The following C2CD5 variants were observed in gnomAD, a reference collection of about 807,000 sequenced individuals.
C2CD5 encodes C2 calcium dependent domain containing 5.
In C2CD5, 109 loss-of-function variants were observed where a neutral mutation model predicts 130.3. The ratio of observed to expected loss-of-function variants is 0.84; its 90% CI spans 0.72 to 0.98. The LOEUF (loss-of-function observed/expected upper bound fraction) is 0.98, where lower values mean the gene tolerates loss of function less well. Ranked by LOEUF, C2CD5 falls within the 50% of genes least tolerant of loss-of-function variation. The pLI is 0.00. For missense variants in C2CD5, 996 were observed against 1,261.8 expected, an observed-to-expected ratio of 0.79 and a Z score of 3.19; for synonymous variants, 454 against 429.2, an observed-to-expected ratio of 1.06 and a Z score of -0.71.
At chr12:22,520,488 T>C (rs1359082423) in intron 7 of C2CD5, among the ~76,000 whole-genome samples, 2 of 152,162 alleles carry the variant, frequency 1.3e-5, no homozygotes, top group Non-Finnish European at 2.9e-5. Flanking sequence ...TCTACGTTTG[T>C]TGCTAATAGA....
intron 10 of C2CD5, among the ~76,000 whole-genome samples, chr12:22,497,943 A>C (rs1011219649): frequency 8.3e-6 from 1 of 120,252 alleles, no homozygotes; most frequent in South Asian, 2.8e-4. Flanking sequence ...CACACACACA[A>C]TGTAACTGGA....
At chr12:22,534,382 T>TGC (rs1951627760) in intron 3 of C2CD5, among the ~76,000 whole-genome samples, 1 of 152,162 alleles carries the variant, frequency 6.6e-6, no homozygotes, top group African/African-American at 2.4e-5. Context: ...ATATTGGACT[T>TGC]CATCAAAATT....
At chr12:22,456,395 C>G (rs1234292307) in intron 25 of C2CD5, among the ~76,000 whole-genome samples, 1 of 152,066 alleles carries the variant, frequency 6.6e-6, no homozygotes, top group African/African-American at 2.4e-5. Context: ...ATATAACAGG[C>G]TGACTCTGAT....
chr12:22,523,889 T>C (rs1379401608), intron 6 of C2CD5, among the ~76,000 whole-genome samples: 1 of 150,776 alleles, frequency 6.6e-6, no homozygotes, highest in East Asian at 1.9e-4. Context: ...GCTATATAAA[T>C]ATAACATTGA....
chr12:22,544,212 C>A lies in C2CD5; in HGVS notation c.-29-33G>T, dbSNP rs2137411737. ...AACAAACAAACGAGTCTGCGCCGAGCGCGGGGCCGGCGGGAGAGGGGCGGA... is the reference window on the plus strand; with the variant it reads ...AACAAACAAACGAGTCTGCGCCGAGAGCGGGGCCGGCGGGAGAGGGGCGGA... On this transcript the variant is annotated intron_variant, in intron 1 of 26. Transcript: ENST00000446597. 3.9e-6 allele frequency: 6 copies of A among 1,550,874 alleles called. No individual in the cohort carries two copies. In the South Asian group the frequency reaches 4.5e-5, roughly 12 times the overall value.
intron 2 of C2CD5, among the ~76,000 whole-genome samples, chr12:22,540,097 A>C: frequency 6.6e-6 from 1 of 152,170 alleles, no homozygotes. Flanking sequence ...CAAGAACTAC[A>C]ACCATCATGT....
chr12:22,455,635 CAT>C (rs1396506552), intron 25 of C2CD5, among the ~76,000 whole-genome samples: 1 of 152,156 alleles, frequency 6.6e-6, no homozygotes, highest in Non-Finnish European at 1.5e-5. Flanking sequence ...AGAATATCTT[CAT>C]AGTTTATTTT....
At chr12:22,487,766 G>A (rs1047198499) in intron 12 of C2CD5, among the ~76,000 whole-genome samples, 3 of 151,956 alleles carry the variant, frequency 2.0e-5, no homozygotes, top group South Asian at 2.1e-4. Context: ...TGTTTATTGC[G>A]GCACTATTCA....
chr12:22,536,588 GA>G (rs1302100186), intron 2 of C2CD5, among the ~76,000 whole-genome samples: 6 of 151,970 alleles, frequency 3.9e-5, no homozygotes, highest in African/African-American at 1.4e-4. Context: ...CACAATAACT[GA>G]AAAAACAAGT....
At position 22,513,349 on chromosome 12, in the gene C2CD5, C is replaced by A. The variant is rs147669786; in HGVS notation, c.983G>T (p.Gly328Val). 3.2e-4 allele frequency: 520 copies of A among 1,612,254 alleles called. 1 individual carries two copies. The highest frequency in any genetic ancestry group is 2.3e-3 in the South Asian group (205 of 91,018). The change falls in exon 9 of 27, where the codon GGG (glycine) becomes GTG (valine). Residue 328 changes from glycine to valine, a missense_variant. This residue lies in a region of C2CD5 where 156 missense variants were observed against 165.9 expected (regional missense o/e 0.94). Coordinates refer to ENST00000446597, the MANE Select transcript of C2CD5 (RefSeq NM_001286176.2). ...TCTTAAAAGAGCTTTAAAGGGCCCC[C>A]CTTCTTTTCCAGCACTACCACTTCC... is the stretch of plus-strand genomic sequence containing the variant. ...GMGSGSAGKE[G>V]GPFKALLRQQ...
At position 22,501,164 on chromosome 12, in the gene C2CD5, T is replaced by A. The variant is rs1947731014; in HGVS notation, c.1147+5547A>T. 2.0e-5 allele frequency among the ~76,000 whole-genome samples: 3 copies of A among 152,320 alleles called. No individual in the cohort carries two copies. In the East Asian group the frequency reaches 5.8e-4, roughly 29 times the overall value. On this transcript the variant is annotated intron_variant, in intron 10 of 26. Coordinates refer to ENST00000446597, the MANE Select transcript of C2CD5 (RefSeq NM_001286176.2). ...AGATTCTAATTAATCAAAAGCATAC[T>A]ACAAGGTGTCATCATTTATGTTCTT...
At chr12:22,454,514 C>T (rs537623811) in intron 25 of C2CD5, among the ~76,000 whole-genome samples, 15 of 151,874 alleles carry the variant, frequency 9.9e-5, no homozygotes, top group Non-Finnish European at 2.1e-4. Flanking sequence ...CTCAAATGCA[C>T]AAGCACTCTT....
At chr12:22,525,472 T>C (rs1261000150) in intron 5 of C2CD5, 138 bp downstream of exon 5, 4 of 679,196 alleles carry the variant, frequency 5.9e-6, no homozygotes, top group Non-Finnish European at 1.1e-5. Context: ...GTAACTATTC[T>C]AGAAAATTAA....
intron 3 of C2CD5, among the ~76,000 whole-genome samples, chr12:22,529,909 A>G (rs1335897949): frequency 6.6e-6 from 1 of 151,794 alleles, no homozygotes; most frequent in Non-Finnish European, 1.5e-5. Context: ...GCTAAACTGG[A>G]GCCAAAAGGA....
At chr12:22,462,763 AT>A in intron 22 of C2CD5, among the ~76,000 whole-genome samples, 1 of 152,292 alleles carries the variant, frequency 6.6e-6, no homozygotes, top group African/African-American at 2.4e-5. Context: ...ACTCACTGAA[AT>A]TTAACTGCCA....
intron 9 of C2CD5, among the ~76,000 whole-genome samples, chr12:22,507,548 G>T (rs1287253877): frequency 1.3e-5 from 2 of 152,074 alleles, no homozygotes; most frequent in East Asian, 3.8e-4. Context: ...TCAACTTAGA[G>T]ACAAAGAGAA....
chr12:22,475,445 T>A (rs569039636), intron 15 of C2CD5, among the ~76,000 whole-genome samples: 1 of 152,276 alleles, frequency 6.6e-6, no homozygotes, highest in South Asian at 2.1e-4. Flanking sequence ...ACAATAATGA[T>A]CTTTTTAAGG....
rs1333523397 is a variant in C2CD5, at chr12:22,524,452, A to G, written c.601+20T>C. On this transcript the variant is annotated intron_variant, in intron 6 of 26. Coordinates refer to ENST00000446597, the MANE Select transcript of C2CD5 (RefSeq NM_001286176.2). ...GAGAGTACTAAATCAGTCAGTAATA[A>G]AGTTATTTTTTTTAAATACCTGACA... The G allele has an allele frequency of 6.2e-7, 1 of 1,608,120 alleles. No homozygotes were observed. The highest frequency in any genetic ancestry group is 1.1e-5 in the South Asian group (1 of 90,522).
intron 7 of C2CD5, chr12:22,518,997 A>C (rs970445430): frequency 1.2e-6 from 1 of 848,922 alleles, no homozygotes; most frequent in Non-Finnish European, 1.7e-6. Context: ...ACTTCGAGTA[A>C]GAAAAGGATG....
Sources: gnomAD v4.1 joint callset for allele counts (sites outside exome capture counted in the v4.1 genomes callset) on GRCh38, gnomAD v4.1.1 for gene constraint, gnomAD v4.1.1 regional missense constraint, MANE v1.5 for transcripts, NCBI Gene and HGNC (gene_info 2026-07-23, HGNC 2026-07-21) for gene names.